Variants in STXBP5 observed in about 807,000 individuals in gnomAD.
STXBP5 encodes syntaxin-binding protein 5.
In STXBP5, 50 loss-of-function variants were observed where a neutral mutation model predicts 152.4. The observed-to-expected ratio is 0.33, with a 90% CI of 0.26 to 0.42. The LOEUF is 0.42. Ranked by LOEUF, STXBP5 falls within the 10% of genes least tolerant of loss-of-function variation. The probability of loss-of-function intolerance (pLI) is 1.00; values close to 1 mark genes in which losing one functional copy is unlikely to be tolerated. For synonymous variants in STXBP5, 492 were observed against 494.7 expected, an observed-to-expected ratio of 0.99 and a Z score of 0.07; for missense variants, 1,167 against 1,388.6, an observed-to-expected ratio of 0.84 and a Z score of 2.54.
rs1459111634 is a variant in STXBP5 at position 147,210,511 on chromosome 6, G to A, written c.248+4443G>A. ...ATTTTCTGTCAGTGTTTCTCAAAGT[G>A]GTAGCTTTTTGGGCAGAATAATTCT... is the stretch of plus-strand genomic sequence containing the variant. On this transcript the variant is annotated intron_variant, in intron 2 of 27. Coordinates refer to ENST00000321680, the MANE Select transcript of STXBP5 (RefSeq NM_001127715.4). 5.3e-5 allele frequency among the ~76,000 whole-genome samples: 8 copies of A among 152,194 alleles called. No homozygotes were observed. The South Asian group carries it at 1.7e-3, about 32-fold the overall frequency.
At chr6:147,209,895 A>G (rs978633302) in intron 2 of STXBP5, among the ~76,000 whole-genome samples, 6 of 152,214 alleles carry the variant, frequency 3.9e-5, no homozygotes, top group Non-Finnish European at 8.8e-5. Flanking sequence ...TAATGAGGCT[A>G]GTTGGAATAA....
rs1219067828 is a variant in STXBP5, at chr6:147,288,213, C to T, written c.839-2881C>T. On this transcript the variant is annotated intron_variant, in intron 8 of 27. Transcript: ENST00000321680. ...CCTGGGGGTAGGGATTTTTGTCTCCCATATTTGAGGTCTGTGTCAAATGAG... is the reference window on the plus strand; with the variant it reads ...CCTGGGGGTAGGGATTTTTGTCTCCTATATTTGAGGTCTGTGTCAAATGAG... Among the ~76,000 whole-genome samples the T allele has an allele frequency of 2.6e-5, 4 of 152,268 alleles. No homozygotes were observed. In the East Asian group the frequency reaches 7.7e-4, roughly 29 times the overall value.
At chr6:147,311,598 T>A in intron 11 of STXBP5, 71 bp downstream of exon 11, 1 of 1,172,114 alleles carries the variant, frequency 8.5e-7, no homozygotes, top group Non-Finnish European at 1.2e-6. Flanking sequence ...ATCATAGCAT[T>A]AGCTATTTCA....
chr6:147,288,354 T>C (rs919566621), intron 8 of STXBP5, among the ~76,000 whole-genome samples: 1 of 152,162 alleles, frequency 6.6e-6, no homozygotes, highest in Admixed American at 6.5e-5. Context: ...CAGTCCTCTC[T>C]GTTGGCTGAT....
At chr6:147,364,319 T>C (rs1785197230) in intron 25 of STXBP5, among the ~76,000 whole-genome samples, 153 bp downstream of exon 25, 1 of 152,244 alleles carries the variant, frequency 6.6e-6, no homozygotes, top group African/African-American at 2.4e-5. Flanking sequence ...GCACATGCTT[T>C]GAGACTCCCA....
intron 4 of STXBP5, among the ~76,000 whole-genome samples, chr6:147,251,235 G>A (rs1361803243): frequency 9.2e-5 from 14 of 152,152 alleles, no homozygotes; most frequent in African/African-American, 2.9e-4. Flanking sequence ...ATGGTGCCAC[G>A]AGGGACGGTG....
chr6:147,325,116 CTT>C (rs1562246553), intron 17 of STXBP5, 32 bp downstream of exon 17: 37 of 1,446,406 alleles, frequency 2.6e-5, no homozygotes, highest in Non-Finnish European at 3.3e-5. Context: ...TTCTAAGTCT[CTT>C]CATAGTATTC....
chr6:147,212,589 ATTTAGGAATTCTTTGGACTGTG>A (rs1466705653), intron 2 of STXBP5, among the ~76,000 whole-genome samples: 3 of 151,646 alleles, frequency 2.0e-5, no homozygotes, highest in Non-Finnish European at 4.4e-5. Flanking sequence ...CTGTGGGGGG[ATTTAGGAATTCTTTGGACTGTG>A]TTCCTGTAGA....
intron 4 of STXBP5, among the ~76,000 whole-genome samples, chr6:147,249,419 T>A (rs1778977376): frequency 6.6e-6 from 1 of 152,084 alleles, no homozygotes; most frequent in Non-Finnish European, 1.5e-5. Flanking sequence ...AACAAGCTGT[T>A]TGTAGGACTC....
intron 10 of STXBP5, 68 bp from the exon 11 acceptor site, chr6:147,311,386 GA>G (rs1345688250): frequency 3.1e-6 from 4 of 1,289,900 alleles, no homozygotes; most frequent in Non-Finnish European, 4.5e-6. Flanking sequence ...AATCAAGCAA[GA>G]AACATTTATC....
At chr6:147,277,621 C>G (rs552226139) in intron 7 of STXBP5, among the ~76,000 whole-genome samples, 1 of 152,040 alleles carries the variant, frequency 6.6e-6, no homozygotes, top group African/African-American at 2.4e-5. Context: ...ATAGCTCAAC[C>G]TGAAACATTT....
At chr6:147,231,709 G>C (rs1375302553) in intron 2 of STXBP5, among the ~76,000 whole-genome samples, 1 of 151,512 alleles carries the variant, frequency 6.6e-6, no homozygotes, top group Non-Finnish European at 1.5e-5. Context: ...ATAATCTTTT[G>C]GTTTTTCTTC....
In STXBP5 at chr6:147,363,561, A is replaced by G; in HGVS notation, c.2772A>G (p.Lys924=). 3 of 1,614,184 alleles carry G rather than the reference A, an allele frequency of 1.9e-6. No homozygotes were observed. The highest frequency in any genetic ancestry group is 2.5e-6 in the Non-Finnish European group (3 of 1,180,032). The change falls in exon 24 of 28, where the codon AAA becomes AAG. Residue 924 remains lysine, a synonymous_variant. Coordinates refer to ENST00000321680, the MANE Select transcript of STXBP5 (RefSeq NM_001127715.4). ...TGATATGTTCTGAAAAGCAAGCAAA[A>G]GTAATCTCACTGCCAACCCAGAACT... ...YAVICSEKQA[K]VISLPTQNCA...
At chr6:147,382,701 A>G in intron 26 of STXBP5, 77 bp from the exon 27 acceptor site, 1 of 1,472,644 alleles carries the variant, frequency 6.8e-7, no homozygotes, top group Non-Finnish European at 9.3e-7. Flanking sequence ...CAAAAATTGT[A>G]TTTTAATGTA....
chr6:147,254,141 C>T (rs1779240693), intron 4 of STXBP5, among the ~76,000 whole-genome samples: 1 of 152,068 alleles, frequency 6.6e-6, no homozygotes, highest in East Asian at 1.9e-4. Context: ...ACAACCCACA[C>T]ATCTACAATC....
chr6:147,346,076 A>G (rs1784313163), intron 21 of STXBP5, among the ~76,000 whole-genome samples: 1 of 152,194 alleles, frequency 6.6e-6, no homozygotes, highest in South Asian at 2.1e-4. Flanking sequence ...GAAAACAGAA[A>G]CAATGTGTCT....
At chr6:147,278,421 T>C (rs984417702) in intron 8 of STXBP5, among the ~76,000 whole-genome samples, 2 of 152,210 alleles carry the variant, frequency 1.3e-5, no homozygotes, top group African/African-American at 2.4e-5. Flanking sequence ...AATTGCAAAT[T>C]TGAAATTTTA....
At chr6:147,363,231 G>A (rs531513916) in intron 23 of STXBP5, 104 bp from the exon 24 acceptor site, 8 of 1,188,378 alleles carry the variant, frequency 6.7e-6, no homozygotes, top group South Asian at 1.6e-5. Context: ...TTCAATATGC[G>A]TTCAGCATAT....
intron 9 of STXBP5, chr6:147,292,118 A>T (rs2128353196): frequency 5.9e-6 from 2 of 339,954 alleles, no homozygotes; most frequent in South Asian, 2.4e-5. Context: ...CCAGTTTATA[A>T]CCACTGGATA....
Sources: gnomAD v4.1 joint callset for allele counts (sites outside exome capture counted in the v4.1 genomes callset) on GRCh38, gnomAD v4.1.1 for gene constraint, MANE v1.5 for transcripts, NCBI Gene and HGNC (gene_info 2026-07-23, HGNC 2026-07-21) for gene names.